The following SEZ6L variants were observed in gnomAD, a reference collection of about 807,000 sequenced individuals.
SEZ6L encodes the protein seizure 6-like protein.
SEZ6L carries 37 observed loss-of-function variants against 106.2 expected under a neutral mutation model. The ratio of observed to expected loss-of-function variants is 0.35; its 90% confidence interval spans 0.27 to 0.46. SEZ6L has a LOEUF of 0.46. SEZ6L is among the 20% of genes least tolerant of loss of function. The probability of loss-of-function intolerance (pLI) is 1.00; values close to 1 mark genes in which losing one functional copy is unlikely to be tolerated. For synonymous variants in SEZ6L, 541 were observed against 570.4 expected (o/e 0.95, Z 0.73); for missense variants, 1,172 against 1,332.8 (o/e 0.88, Z 1.88).
At chr22:26,188,373 A>C (rs1018388015) in intron 1 of SEZ6L, among the ~76,000 whole-genome samples, 21 of 152,322 alleles carry the variant, frequency 1.4e-4, no homozygotes, top group African/African-American at 4.8e-4. Context: ...AAAAGAGCCA[A>C]ATCATCTCTG....
chr22:26,191,933 G>A (rs117858999), intron 1 of SEZ6L, among the ~76,000 whole-genome samples: 2 of 152,160 alleles, frequency 1.3e-5, no homozygotes, highest in African/African-American at 2.4e-5. Context: ...AGTCAGGAGT[G>A]AGGGCACATC....
chr22:26,373,034 A>G (rs1421432464), intron 13 of SEZ6L, among the ~76,000 whole-genome samples: 2 of 152,230 alleles, frequency 1.3e-5, no homozygotes, highest in Non-Finnish European at 2.9e-5. Context: ...TCCTGCCTCC[A>G]TCACTGAGAA....
intron 9 of SEZ6L, among the ~76,000 whole-genome samples, chr22:26,315,823 T>C (rs970410476): frequency 4.0e-5 from 6 of 151,726 alleles, no homozygotes; most frequent in African/African-American, 1.5e-4. Context: ...TTTGGGAGGC[T>C]GAGGTAGGAG....
At chr22:26,288,820 C>A (rs1027383478) in intron 1 of SEZ6L, among the ~76,000 whole-genome samples, 1 of 152,188 alleles carries the variant, frequency 6.6e-6, no homozygotes, top group African/African-American at 2.4e-5. Context: ...GATGACACAA[C>A]TTGTTTTTCC....
At chr22:26,206,364 T>C (rs186656031) in intron 1 of SEZ6L, among the ~76,000 whole-genome samples, 9 of 152,320 alleles carry the variant, frequency 5.9e-5, no homozygotes, top group Non-Finnish European at 5.9e-5. Flanking sequence ...TTCTGCATAG[T>C]ATATAATTTT....
In SEZ6L at chr22:26,203,373, A is replaced by C. The variant is rs143159131; in HGVS notation, c.94+33610A>C. ...TCCTTCACGTATAGCACCATTGGGC[A>C]TGTTGTGATTGTTAACTAATAGCTC... On this transcript the variant is annotated intron_variant, in intron 1 of 16. Transcript: ENST00000248933. Among the ~76,000 whole-genome samples the C allele has an allele frequency of 3.7e-4, 56 of 152,266 alleles. 1 individual carries two copies. In the Middle Eastern group the frequency reaches 0.01, roughly 28 times the overall value.
intron 9 of SEZ6L, among the ~76,000 whole-genome samples, chr22:26,314,287 T>C (rs2081937133): frequency 6.6e-6 from 1 of 152,234 alleles, no homozygotes; most frequent in Non-Finnish European, 1.5e-5. Context: ...CAGAGAAGTC[T>C]TCCCCGAGGA....
rs1938453984 is a variant in SEZ6L, at chr22:26,169,852, G to A, written c.94+89G>A. 5.4e-6 allele frequency: 3 copies of A among 558,926 alleles called. No homozygotes were observed. In the East Asian group the frequency reaches 1.1e-4, roughly 20 times the overall value. 34.6% of individuals were successfully genotyped at this position (558,926 alleles called of 1,614,324 possible). On this transcript the variant is annotated intron_variant, in intron 1 of 16. Coordinates refer to ENST00000248933, the MANE Select transcript of SEZ6L (RefSeq NM_021115.5). The stretch of plus-strand genomic sequence containing the variant: ...GGTCGGGGCTGACCAGGGCGACTCA[G>A]GCACCACCCGCCGGGATGGGAAGCG...
chr22:26,331,737 C>T (rs1368896986), intron 9 of SEZ6L, among the ~76,000 whole-genome samples: 2 of 152,148 alleles, frequency 1.3e-5, no homozygotes, highest in Non-Finnish European at 2.9e-5. Context: ...TATCCCAGAA[C>T]TTTGGGAGGC....
At chr22:26,226,035 T>C (rs1314811866) in intron 1 of SEZ6L, among the ~76,000 whole-genome samples, 1 of 152,216 alleles carries the variant, frequency 6.6e-6, no homozygotes, top group African/African-American at 2.4e-5. Context: ...TCATAAATAT[T>C]TCTCAAAGTA....
At chr22:26,178,041 A>T (rs1481560164) in intron 1 of SEZ6L, among the ~76,000 whole-genome samples, 1 of 152,126 alleles carries the variant, frequency 6.6e-6, no homozygotes, top group African/African-American at 2.4e-5. Flanking sequence ...ATCCCTCTCA[A>T]GTTTATGTCC....
intron 1 of SEZ6L, among the ~76,000 whole-genome samples, chr22:26,212,214 C>T (rs1321274290): frequency 2.0e-5 from 3 of 152,106 alleles, no homozygotes; most frequent in Non-Finnish European, 4.4e-5. Context: ...CACACATGGC[C>T]TTTCAGATCA....
chr22:26,352,090 G>A (rs1050993889), intron 12 of SEZ6L, among the ~76,000 whole-genome samples: 1 of 149,972 alleles, frequency 6.7e-6, no homozygotes, highest in Non-Finnish European at 1.5e-5. Flanking sequence ...GAGCCCAAGA[G>A]GTCAAGGCTG....
At chr22:26,283,249 A>G (rs556620309) in intron 1 of SEZ6L, among the ~76,000 whole-genome samples, 1 of 152,300 alleles carries the variant, frequency 6.6e-6, no homozygotes, top group African/African-American at 2.4e-5. Context: ...GCCCTCCTTA[A>G]GAAATTATGT....
chr22:26,258,298 C>T (rs1422431023), intron 1 of SEZ6L, among the ~76,000 whole-genome samples: 1 of 152,178 alleles, frequency 6.6e-6, no homozygotes, highest in South Asian at 2.1e-4. Context: ...AAAGGAAGCT[C>T]ATACTCACAT....
At position 26,169,505 on chromosome 22, in the gene SEZ6L, G is replaced by A. The variant is rs1026015077; in HGVS notation, c.-165G>A. Reference sequence around the variant, plus strand: ...GGCGCAGCTCGGCCAGAGCGACCGCGGGGCTGAGCGCGCGTCCGCCCAGGG... The same window carrying A: ...GGCGCAGCTCGGCCAGAGCGACCGCAGGGCTGAGCGCGCGTCCGCCCAGGG... On this transcript the variant is annotated 5_prime_UTR_variant, in exon 1 of 17. Transcript: ENST00000248933. 6 of 357,048 alleles carry A rather than the reference G, an allele frequency of 1.7e-5. No homozygotes were observed. The highest frequency in any genetic ancestry group is 3.0e-5 in the Non-Finnish European group (6 of 199,968). 22.1% of individuals were successfully genotyped at this position (357,048 alleles called of 1,614,324 possible).
chr22:26,352,357 A>G lies in SEZ6L; in HGVS notation c.2599+1114A>G, dbSNP rs1424363412. Among the ~76,000 whole-genome samples the G allele has an allele frequency of 2.0e-5, 3 of 152,182 alleles. No homozygotes were observed. The East Asian group carries it at 5.8e-4, about 29-fold the overall frequency. On this transcript the variant is annotated intron_variant, in intron 12 of 16. Coordinates refer to ENST00000248933, the MANE Select transcript of SEZ6L (RefSeq NM_021115.5). ...TGTTATGAACAACTCCATTAGGAAT[A>G]CAGCCAGTTCAAACTCCAGAAGCCA...
intron 11 of SEZ6L, among the ~76,000 whole-genome samples, chr22:26,348,407 G>A (rs569212274): frequency 6.6e-6 from 1 of 150,542 alleles, no homozygotes; most frequent in South Asian, 2.1e-4. Flanking sequence ...AGGAGGCTGA[G>A]ACAGAAGGAT....
At chr22:26,210,775 A>C (rs2078134647) in intron 1 of SEZ6L, among the ~76,000 whole-genome samples, 1 of 152,260 alleles carries the variant, frequency 6.6e-6, no homozygotes, top group Admixed American at 6.5e-5. Context: ...AGCCAAAACT[A>C]GCCCACATGC....
Sources: gnomAD v4.1 joint callset for allele counts (sites outside exome capture counted in the v4.1 genomes callset) on GRCh38, gnomAD v4.1.1 for gene constraint, MANE v1.5 for transcripts, NCBI Gene and HGNC (gene_info 2026-07-23, HGNC 2026-07-21) for gene names.